The following KIAA1217 variants were observed in gnomAD, a reference collection of about 807,000 sequenced individuals.
KIAA1217 encodes the protein KIAA1217.
In KIAA1217, 88 loss-of-function variants were observed where a neutral mutation model predicts 163.9. The ratio of observed to expected loss-of-function variants is 0.54; its 90% confidence interval spans 0.45 to 0.64. The LOEUF (loss-of-function observed/expected upper bound fraction) is 0.64, where lower values mean the gene tolerates loss of function less well. Ranked by LOEUF, KIAA1217 falls within the 30% of genes least tolerant of loss-of-function variation. KIAA1217 has a pLI of 0.00. For synonymous variants in KIAA1217, 903 were observed against 923.1 expected (o/e 0.98, Z 0.39); for missense variants, 2,372 against 2,475.0 (o/e 0.96, Z 0.88).
chr10:24,034,304 A>G (rs1196133814), intron 2 of KIAA1217, among the ~76,000 whole-genome samples: 1 of 152,144 alleles, frequency 6.6e-6, no homozygotes, highest in Non-Finnish European at 1.5e-5. Context: ...TACACCTGTA[A>G]TCCCAGCACT....
At chr10:23,865,657 G>C (rs1028508197) in intron 1 of KIAA1217, among the ~76,000 whole-genome samples, 1 of 151,468 alleles carries the variant, frequency 6.6e-6, no homozygotes, top group Non-Finnish European at 1.5e-5. Flanking sequence ...ACTCTGTTTT[G>C]TTTTTTAATT....
chr10:24,021,193 G>A (rs897614907), intron 2 of KIAA1217, among the ~76,000 whole-genome samples: 4 of 151,842 alleles, frequency 2.6e-5, no homozygotes, highest in African/African-American at 9.7e-5. Flanking sequence ...TATGTATGTA[G>A]AAAATCCCAA....
intron 9 of KIAA1217, among the ~76,000 whole-genome samples, chr10:24,506,213 A>G: frequency 6.6e-6 from 1 of 152,186 alleles, no homozygotes; most frequent in Admixed American, 6.5e-5. Flanking sequence ...TGGGATCAGG[A>G]GTCGTTCTGA....
At chr10:24,011,205 G>T (rs1847223290) in intron 2 of KIAA1217, among the ~76,000 whole-genome samples, 1 of 152,110 alleles carries the variant, frequency 6.6e-6, no homozygotes, top group Non-Finnish European at 1.5e-5. Flanking sequence ...ATTGTCTTCA[G>T]CCTGGTGCAG....
intron 2 of KIAA1217, among the ~76,000 whole-genome samples, chr10:24,040,939 T>C (rs1436287734): frequency 6.6e-6 from 1 of 152,220 alleles, no homozygotes; most frequent in Admixed American, 6.5e-5. Flanking sequence ...ATACCGACTT[T>C]AATAACGAAA....
At chr10:24,188,125 A>C (rs997323285) in intron 2 of KIAA1217, among the ~76,000 whole-genome samples, 2 of 152,196 alleles carry the variant, frequency 1.3e-5, no homozygotes, top group Admixed American at 6.5e-5. Context: ...CAAGCCTGGG[A>C]GGCAGAGTTT....
intron 8 of KIAA1217, among the ~76,000 whole-genome samples, chr10:24,497,669 G>A (rs1254491311): frequency 2.0e-5 from 3 of 150,802 alleles, no homozygotes; most frequent in African/African-American, 4.9e-5. Context: ...GCAGTAAGCC[G>A]AGATCAAGCC....
chr10:24,528,144 A>T, intron 14 of KIAA1217, 25 bp downstream of exon 14: 1 of 1,610,342 alleles, frequency 6.2e-7, no homozygotes, highest in African/African-American at 1.3e-5. Flanking sequence ...CACAGCAGGA[A>T]TATATGGAGG....
chr10:24,021,664 G>A (rs1351417602), intron 2 of KIAA1217, among the ~76,000 whole-genome samples: 1 of 151,834 alleles, frequency 6.6e-6, no homozygotes, highest in African/African-American at 2.4e-5. Context: ...GAATAAAGCT[G>A]GAGGAGTGAT....
chr10:23,915,976 A>G (rs1362910509), intron 1 of KIAA1217, among the ~76,000 whole-genome samples: 1 of 152,190 alleles, frequency 6.6e-6, no homozygotes, highest in Admixed American at 6.5e-5. Context: ...GCAGGGAAAG[A>G]ATACCTAGGG....
At chr10:24,183,902 C>A (rs2066298496) in intron 2 of KIAA1217, among the ~76,000 whole-genome samples, 1 of 152,194 alleles carries the variant, frequency 6.6e-6, no homozygotes, top group South Asian at 2.1e-4. Context: ...TTCTCTTCTG[C>A]AAACTAAATA....
At chr10:24,493,595 C>G (rs1283217756) in intron 6 of KIAA1217, among the ~76,000 whole-genome samples, 1 of 152,140 alleles carries the variant, frequency 6.6e-6, no homozygotes, top group Non-Finnish European at 1.5e-5. Context: ...TCAAAGAGCC[C>G]TGGAGAGAGA....
chr10:24,405,751 G>A (rs1183903022), intron 3 of KIAA1217, among the ~76,000 whole-genome samples: 2 of 152,172 alleles, frequency 1.3e-5, no homozygotes, highest in Non-Finnish European at 2.9e-5. Flanking sequence ...AGAAACAAAT[G>A]CCAAACAGGG....
intron 13 of KIAA1217, among the ~76,000 whole-genome samples, chr10:24,526,529 C>A (rs1046268539): frequency 1.3e-5 from 2 of 152,128 alleles, no homozygotes; most frequent in African/African-American, 4.8e-5. Flanking sequence ...CTGTTGAGAA[C>A]CTAGTGGGCA....
rs552634869 is a variant in KIAA1217 at position 24,436,133 on chromosome 10, T to TTA, written c.753-2250_753-2249dup. Among the ~76,000 whole-genome samples the TTA allele has an allele frequency of 1.7e-3, 265 of 152,248 alleles. 1 individual carries two copies. Among genetic ancestry groups the TTA allele is most frequent in the South Asian group, 5.2e-3 (25 of 4,812 alleles). On this transcript the variant is annotated intron_variant, in intron 4 of 20. Coordinates refer to ENST00000376454, the MANE Select transcript of KIAA1217 (RefSeq NM_019590.5). The stretch of plus-strand genomic sequence containing the variant: ...ACCTCGGCCTCCCAAAGTGCTGGGA[T>TTA]TATAAGCGTGACCCACTGCTCCCAG...
At position 24,259,226 on chromosome 10, in the gene KIAA1217, A is replaced by G. The variant is rs544657024; in HGVS notation, c.354+39317A>G. Among the ~76,000 whole-genome samples, 13 of 152,214 alleles carry G rather than the reference A, an allele frequency of 8.5e-5. No individual in the cohort carries two copies. The East Asian group carries it at 9.7e-4, about 11-fold the overall frequency. On this transcript the variant is annotated intron_variant, in intron 2 of 20. Transcript: ENST00000376454. ...AGGAAAGGGGAGCACAGATTTTTACAAAATAGATGTGGGCGGTTTCTTGTA... is the reference window on the plus strand; with the variant it reads ...AGGAAAGGGGAGCACAGATTTTTACGAAATAGATGTGGGCGGTTTCTTGTA...
chr10:24,262,625 A>C (rs2075836088), intron 2 of KIAA1217, among the ~76,000 whole-genome samples: 1 of 150,642 alleles, frequency 6.6e-6, no homozygotes, highest in African/African-American at 2.5e-5. Context: ...ACTCCGTCTC[A>C]AAGAAAAAAA....
At chr10:24,292,933 C>G (rs563266286) in intron 2 of KIAA1217, among the ~76,000 whole-genome samples, 141 of 152,234 alleles carry the variant, frequency 9.3e-4, no homozygotes, top group Non-Finnish European at 1.5e-3. Context: ...ACGCAGACAT[C>G]TAGTACTTCA....
At chr10:24,178,687 G>A (rs1195501978) in intron 2 of KIAA1217, among the ~76,000 whole-genome samples, 1 of 152,210 alleles carries the variant, frequency 6.6e-6, no homozygotes, top group African/African-American at 2.4e-5. Flanking sequence ...GATTTCAGTT[G>A]TTCCATTTCC....
Sources: gnomAD v4.1 joint callset for allele counts (sites outside exome capture counted in the v4.1 genomes callset) on GRCh38, gnomAD v4.1.1 for gene constraint, MANE v1.5 for transcripts, NCBI Gene and HGNC (gene_info 2026-07-23, HGNC 2026-07-21) for gene names.